The following ZCCHC24 variants were observed in gnomAD, a reference collection of about 807,000 sequenced individuals.
ZCCHC24 encodes zinc finger CCHC domain-containing protein 24.
In ZCCHC24, 10 loss-of-function variants were observed where a neutral mutation model predicts 26.2. The observed-to-expected ratio is 0.38, with a 90% CI of 0.24 to 0.65. The LOEUF (loss-of-function observed/expected upper bound fraction) is 0.65. Among genes scored for constraint, ZCCHC24 ranks in the 30% least tolerant of loss-of-function variants. The probability of loss-of-function intolerance (pLI) is 0.54; values close to 1 mark genes in which losing one functional copy is unlikely to be tolerated. For missense variants in ZCCHC24, 243 were observed against 329.1 expected (o/e 0.74, Z 2.03); for synonymous variants, 144 against 147.1 (o/e 0.98, Z 0.15).
intron 2 of ZCCHC24, among the ~76,000 whole-genome samples, chr10:79,406,292 G>A (rs1856711505): frequency 2.6e-5 from 4 of 152,216 alleles, no homozygotes; most frequent in Admixed American, 1.3e-4. Flanking sequence ...GCGAGATATC[G>A]GAGGTCCAGA....
At chr10:79,418,604 G>A (rs992639636) in intron 2 of ZCCHC24, among the ~76,000 whole-genome samples, 3 of 152,224 alleles carry the variant, frequency 2.0e-5, no homozygotes, top group African/African-American at 4.8e-5. Flanking sequence ...AGAGTCACTG[G>A]CTAAGGCCAT....
At chr10:79,441,117 C>CACA (rs1589682075) in intron 1 of ZCCHC24, among the ~76,000 whole-genome samples, 1 of 147,920 alleles carries the variant, frequency 6.8e-6, no homozygotes. Context: ...CACACACACA[C>CACA]CACAAAGGCT....
Position 79,399,957 on chromosome 10 carries a change from G to C in ZCCHC24, c.448-5517C>G, listed in dbSNP as rs1856608511. On this transcript the variant is annotated intron_variant, in intron 2 of 3. Coordinates refer to ENST00000372336, the MANE Select transcript of ZCCHC24 (RefSeq NM_153367.4). ...GCAGAGGCTGAGAGAACAAGTATCA[G>C]GGAGGCTGCTGAGGGGGCCTTTGCC... 2.0e-5 allele frequency among the ~76,000 whole-genome samples: 3 copies of C among 152,330 alleles called. No homozygotes were observed. In the South Asian group the frequency reaches 6.2e-4, roughly 32 times the overall value.
rs1336571979 is a variant in ZCCHC24 at position 79,428,421 on chromosome 10, TTG to T, written c.447+4135_447+4136del. Among the ~76,000 whole-genome samples, 307 of 39,094 alleles carry T rather than the reference TTG, an allele frequency of 7.9e-3. 14 individuals carry two copies. Among genetic ancestry groups the T allele is most frequent in the African/African-American group, 0.056 (293 of 5,214 alleles). The allele number at this position is 39,094 out of a possible 152,430, so 25.6% of individuals were successfully genotyped here. On this transcript the variant is annotated intron_variant, in intron 2 of 3. Transcript: ENST00000372336. Reference sequence around the variant, plus strand: ...CAGTTTTGCAAGATAAATTTCAGTTTTGCAAGATAAATTTCAGTTTTGCAAGA... The same window carrying T: ...CAGTTTTGCAAGATAAATTTCAGTTTCAAGATAAATTTCAGTTTTGCAAGA...
chr10:79,403,569 G>A, intron 2 of ZCCHC24: 1 of 985,438 alleles, frequency 1.0e-6, no homozygotes. Flanking sequence ...AGGATGCTGG[G>A]AGGGAGGAAG....
chr10:79,409,229 A>G (rs1856758984), intron 2 of ZCCHC24: 1 of 152,410 alleles, frequency 6.6e-6, no homozygotes, highest in African/African-American at 2.4e-5. Context: ...GGCATGTAAC[A>G]GAGGCTAGTT....
intron 2 of ZCCHC24, among the ~76,000 whole-genome samples, chr10:79,430,686 CCACA>C (rs71030975): frequency 5.8e-4 from 81 of 140,694 alleles, no homozygotes; most frequent in African/African-American, 1.1e-3. Context: ...CACACACACA[CCACA>C]CACACACACA....
chr10:79,442,817 G>A (rs563568377), intron 1 of ZCCHC24, among the ~76,000 whole-genome samples: 26 of 152,244 alleles, frequency 1.7e-4, no homozygotes, highest in East Asian at 1.4e-3. Flanking sequence ...AGCCCTGGGC[G>A]CAGGAAAGGC....
At chr10:79,397,746 A>G (rs1358873913) in intron 2 of ZCCHC24, among the ~76,000 whole-genome samples, 1 of 152,164 alleles carries the variant, frequency 6.6e-6, no homozygotes, top group African/African-American at 2.4e-5. Flanking sequence ...CAGAGAGCTC[A>G]CAGGACCTGG....
In ZCCHC24 at chr10:79,445,414, C is replaced by T; in HGVS notation, c.27G>A (p.Thr9=). Residue 9 remains threonine, a synonymous_variant, in exon 1 of 4, where the codon ACG becomes ACA. Transcript: ENST00000372336. The part of the protein sequence containing the change: MSLLSAID[T]SAASVYQPAQ... Reference sequence around the variant, plus strand: ...CGGGCTGGTACACCGAGGCGGCGCTCGTGTCGATGGCCGACAGCAGGCTCA... The same window carrying T: ...CGGGCTGGTACACCGAGGCGGCGCTTGTGTCGATGGCCGACAGCAGGCTCA... 2.0e-6 allele frequency: 3 copies of T among 1,488,204 alleles called. No individual in the cohort carries two copies. Among genetic ancestry groups the T allele is most frequent in the Non-Finnish European group, 2.7e-6 (3 of 1,115,998 alleles). 92.2% of individuals were successfully genotyped at this position (1,488,204 alleles called of 1,614,324 possible).
chr10:79,411,238 C>A (rs1287082506), intron 2 of ZCCHC24, among the ~76,000 whole-genome samples: 2 of 152,184 alleles, frequency 1.3e-5, no homozygotes, highest in African/African-American at 4.8e-5. Flanking sequence ...TTGAAAATCA[C>A]CTCGGGGCTG....
In ZCCHC24 at chr10:79,383,724, T is replaced by C. The variant is rs1244432340; in HGVS notation, c.*2621A>G. ...GGAAAAGCTACCAAATTCAGTGTTG[T>C]GAGAAAAACTGGTAACCATGCAGAA... On this transcript the variant is annotated 3_prime_UTR_variant, in exon 4 of 4. Transcript: ENST00000372336. The C allele has an allele frequency of 1.3e-5, 2 of 152,534 alleles. No homozygotes were observed. Among genetic ancestry groups the C allele is most frequent in the African/African-American group, 4.8e-5 (2 of 41,380 alleles). The allele number at this position is 152,534 out of a possible 1,614,324, so 9.4% of individuals were successfully genotyped here. A position where few individuals can be genotyped will look rare whatever the true frequency, so the allele number is the denominator to read the frequency against.
At chr10:79,414,004 T>C (rs540542261) in intron 2 of ZCCHC24, among the ~76,000 whole-genome samples, 106 of 152,300 alleles carry the variant, frequency 7.0e-4, no homozygotes, top group African/African-American at 2.1e-3. Context: ...ACAGCCAGTG[T>C]TGGAGGAAGA....
chr10:79,432,849 A>G lies in ZCCHC24; in HGVS notation c.247-91T>C, dbSNP rs986162437. 6 of 1,379,392 alleles carry G rather than the reference A, an allele frequency of 4.3e-6. No homozygotes were observed. In the African/African-American group the frequency reaches 8.9e-5, roughly 20 times the overall value. 85.4% of individuals were successfully genotyped at this position (1,379,392 alleles called of 1,614,324 possible). ...CAAACACACGCATGGATTCACACTG[A>G]GTCTTCAGCTACCCGAGGGCTCTGG... On this transcript the variant is annotated intron_variant, in intron 1 of 3. Coordinates refer to ENST00000372336, the MANE Select transcript of ZCCHC24 (RefSeq NM_153367.4).
At chr10:79,397,584 C>A (rs1271167417) in intron 2 of ZCCHC24, among the ~76,000 whole-genome samples, 1 of 152,166 alleles carries the variant, frequency 6.6e-6, no homozygotes, top group East Asian at 1.9e-4. Flanking sequence ...CCCATGTCTC[C>A]CCAGAAGCAT....
chr10:79,417,682 A>T (rs1264864565), intron 2 of ZCCHC24, among the ~76,000 whole-genome samples: 2 of 152,258 alleles, frequency 1.3e-5, no homozygotes, highest in East Asian at 3.9e-4. Flanking sequence ...GCCACAGATG[A>T]CATCCAGGTG....
At chr10:79,433,557 G>A (rs1857167027) in intron 1 of ZCCHC24, among the ~76,000 whole-genome samples, 1 of 152,224 alleles carries the variant, frequency 6.6e-6, no homozygotes, top group Non-Finnish European at 1.5e-5. Context: ...AGCGAAGGTG[G>A]GGCTGGCAGG....
At chr10:79,407,761 G>A (rs73297237) in intron 2 of ZCCHC24, among the ~76,000 whole-genome samples, 1,873 of 152,366 alleles carry the variant, frequency 0.012, 56 homozygotes, top group African/African-American at 0.043. Context: ...TCAGAGCTGG[G>A]AGTGGAGCGC....
chr10:79,405,304 C>T (rs1187079755), intron 2 of ZCCHC24, among the ~76,000 whole-genome samples: 7 of 152,238 alleles, frequency 4.6e-5, no homozygotes, highest in African/African-American at 1.7e-4. Context: ...CGGTCAGGTG[C>T]ACCCTCCACA....
Sources: allele counts gnomAD v4.1 joint callset (sites outside exome capture counted in the v4.1 genomes callset), GRCh38; gene constraint gnomAD v4.1.1; transcripts MANE v1.5; gene names NCBI Gene and HGNC (gene_info 2026-07-23, HGNC 2026-07-21).